The following NUP98 variants were observed in gnomAD, a reference collection of about 807,000 sequenced individuals.
NUP98 encodes the protein nuclear pore complex protein Nup98-Nup96.
NUP98 carries 26 observed loss-of-function variants against 191.9 expected under a neutral mutation model. That is an observed-to-expected ratio of 0.14 (90% CI 0.10 to 0.19). The LOEUF (loss-of-function observed/expected upper bound fraction) is 0.19, where lower values mean the gene tolerates loss of function less well. NUP98 is among the 10% of genes least tolerant of loss of function. NUP98 has a pLI of 1.00. For missense variants in NUP98, 1,941 were observed against 2,178.8 expected (o/e 0.89, Z 2.17); for synonymous variants, 808 against 778.4 (o/e 1.04, Z -0.63).
At chr11:3,764,244 T>C (rs1313054008) in intron 8 of NUP98, among the ~76,000 whole-genome samples, 2 of 152,248 alleles carry the variant, frequency 1.3e-5, no homozygotes, top group Admixed American at 6.5e-5. Context: ...TTAGCACATT[T>C]TCAAGGTTCA....
chr11:3,780,504 C>T (rs1254379689), intron 2 of NUP98, among the ~76,000 whole-genome samples: 35 of 140,970 alleles, frequency 2.5e-4, no homozygotes, highest in African/African-American at 3.9e-4. Flanking sequence ...ATCGCACCAC[C>T]GCACTCCATC....
chr11:3,763,072 C>T (rs201980338), intron 8 of NUP98, 33 bp from the exon 9 acceptor site: 472 of 1,588,700 alleles, frequency 3.0e-4, no homozygotes, highest in Non-Finnish European at 3.8e-4. Context: ...TAAAAGATAT[C>T]CTGTAATAGT....
intron 1 of NUP98, among the ~76,000 whole-genome samples, chr11:3,795,772 T>C (rs1261701316): frequency 1.3e-5 from 2 of 152,206 alleles, no homozygotes; most frequent in Non-Finnish European, 2.9e-5. Flanking sequence ...AAGAAAAGCT[T>C]CCCAGAAGAG....
At chr11:3,683,729 G>C (rs1213340861) in intron 29 of NUP98, among the ~76,000 whole-genome samples, 1 of 151,826 alleles carries the variant, frequency 6.6e-6, no homozygotes, top group Non-Finnish European at 1.5e-5. Context: ...GTAGAGGCAG[G>C]GTTTCTCCAT....
chr11:3,727,360 G>T (rs1163224186), intron 14 of NUP98, among the ~76,000 whole-genome samples: 1 of 151,934 alleles, frequency 6.6e-6, no homozygotes, highest in Non-Finnish European at 1.5e-5. Context: ...TTTAATTAAT[G>T]AACACAGAGG....
chr11:3,795,737 G>A (rs948403594), intron 1 of NUP98, among the ~76,000 whole-genome samples: 1 of 152,152 alleles, frequency 6.6e-6, no homozygotes, highest in Non-Finnish European at 1.5e-5. Flanking sequence ...TAAGTGTTAT[G>A]GAAGCTTGCA....
At chr11:3,720,848 AACAG>A in intron 16 of NUP98, 23 bp from the exon 17 acceptor site, 1 of 943,056 alleles carries the variant, frequency 1.1e-6, no homozygotes, top group Non-Finnish European at 1.7e-6. Context: ...AAAAAAAAAA[AACAG>A]AAAAAAAAAT....
chr11:3,777,311 G>C (rs575415754), intron 4 of NUP98, among the ~76,000 whole-genome samples: 8 of 152,272 alleles, frequency 5.3e-5, no homozygotes, highest in African/African-American at 1.9e-4. Flanking sequence ...ATTGCTGAAA[G>C]TATGAGAGAC....
rs933437890 is a variant in NUP98 at position 3,791,466 on chromosome 11, G to A, written c.-29+5934C>T. ...GGAGAATCAGTGGAACCCAGAAGGC[G>A]GAGGTTGCAGTGAGTTGAGATCCCA... is the stretch of plus-strand genomic sequence containing the variant. On this transcript the variant is annotated intron_variant, in intron 1 of 32. Transcript: ENST00000324932. 6.1e-5 allele frequency among the ~76,000 whole-genome samples: 9 copies of A among 147,944 alleles called. 1 individual carries two copies. Among genetic ancestry groups the A allele is most frequent in the Middle Eastern group, 3.3e-3 (1 of 304 alleles).
intron 30 of NUP98, among the ~76,000 whole-genome samples, chr11:3,680,857 CTTTT>C (rs888089231): frequency 6.6e-6 from 1 of 151,910 alleles, no homozygotes; most frequent in Non-Finnish European, 1.5e-5. Context: ...CCCAAATGTT[CTTTT>C]TTGTTTTTCT....
At chr11:3,741,061 A>G (rs2080266822) in intron 12 of NUP98, among the ~76,000 whole-genome samples, 1 of 151,484 alleles carries the variant, frequency 6.6e-6, no homozygotes. Context: ...ACCTCAAGCA[A>G]TCCGCCTGCC....
intron 20 of NUP98, among the ~76,000 whole-genome samples, chr11:3,709,907 G>A (rs1211354231): frequency 6.7e-6 from 1 of 148,440 alleles, no homozygotes; most frequent in Non-Finnish European, 1.5e-5. Flanking sequence ...ACAGCAGCAT[G>A]GCACATGTAT....
chr11:3,691,062 T>A (rs891337108), intron 28 of NUP98, among the ~76,000 whole-genome samples: 4 of 152,206 alleles, frequency 2.6e-5, no homozygotes, highest in Non-Finnish European at 5.9e-5. Flanking sequence ...AGTGGAAATA[T>A]CAGCTTAGCT....
chr11:3,719,610 C>G, intron 17 of NUP98, 60 bp from the exon 18 acceptor site: 1 of 1,226,576 alleles, frequency 8.2e-7, no homozygotes, highest in South Asian at 1.7e-5. Context: ...ACCTACTTTA[C>G]AACTATAGTG....
intron 11 of NUP98, among the ~76,000 whole-genome samples, chr11:3,748,439 T>C (rs2080592870): frequency 6.6e-6 from 1 of 151,948 alleles, no homozygotes; most frequent in South Asian, 2.1e-4. Flanking sequence ...AAGAATTGCT[T>C]GAGCCTGGGA....
intron 14 of NUP98, among the ~76,000 whole-genome samples, chr11:3,729,715 CAAAAAAA>C (rs755816362): frequency 0.013 from 503 of 37,402 alleles, 14 homozygotes; most frequent in African/African-American, 0.037. Context: ...ACTCTTGCCT[CAAAAAAA>C]AAAAAAAAAA....
Position 3,676,585 on chromosome 11 carries a change from G to A in NUP98, c.5109C>T (p.His1703=). 1 of 1,614,156 alleles carries A rather than the reference G, an allele frequency of 6.2e-7. No homozygotes were observed. The highest frequency in any genetic ancestry group is 1.3e-5 in the African/African-American group (1 of 75,050). Residue 1703 remains histidine, a synonymous_variant, in exon 32 of 33, where the codon CAC becomes CAT. Transcript: ENST00000324932. ...DCSGNDLEQL[H]IKVTSLCSRI... ...GACTGCACAGTGAAGTCACTTTGATGTGTAACTGCTCCAGGTCATTACCTG... is the reference window on the plus strand; with the variant it reads ...GACTGCACAGTGAAGTCACTTTGATATGTAACTGCTCCAGGTCATTACCTG...
intron 12 of NUP98, among the ~76,000 whole-genome samples, chr11:3,741,935 G>C (rs1334662996): frequency 6.6e-6 from 1 of 152,178 alleles, no homozygotes; most frequent in African/African-American, 2.4e-5. Flanking sequence ...AGACCTCTAA[G>C]TAGTCAAAGG....
intron 8 of NUP98, among the ~76,000 whole-genome samples, chr11:3,767,954 G>T (rs2134573685): frequency 6.6e-6 from 1 of 152,236 alleles, no homozygotes; most frequent in South Asian, 2.1e-4. Flanking sequence ...CCTATAGAAT[G>T]GCTGTAGTCA....
Sources: allele counts gnomAD v4.1 joint callset (sites outside exome capture counted in the v4.1 genomes callset), GRCh38; gene constraint gnomAD v4.1.1; transcripts MANE v1.5; gene names NCBI Gene and HGNC (gene_info 2026-07-23, HGNC 2026-07-21).